KATNA1: variants seen among roughly 807,000 people sequenced by gnomAD.
The protein encoded by KATNA1 is katanin catalytic subunit A1.
In KATNA1, 42 loss-of-function variants were observed where a neutral mutation model predicts 62.6. The ratio of observed to expected loss-of-function variants is 0.67; its 90% CI spans 0.52 to 0.87. KATNA1 has a LOEUF of 0.87. KATNA1 is among the 40% of genes least tolerant of loss of function. The pLI, the probability that KATNA1 is intolerant of heterozygous loss-of-function variation, is 0.00. For synonymous variants in KATNA1, 186 were observed against 201.9 expected, an observed-to-expected ratio of 0.92 and a Z score of 0.67; for missense variants, 498 against 612.5, an observed-to-expected ratio of 0.81 and a Z score of 1.97.
At chr6:149,601,508 C>G in intron 7 of KATNA1, 86 bp downstream of exon 7, 1 of 1,233,942 alleles carries the variant, frequency 8.1e-7, no homozygotes, top group Non-Finnish European at 1.1e-6. Flanking sequence ...TCCTGCCTAA[C>G]TATTCCATAT....
At chr6:149,604,580 C>T in intron 5 of KATNA1, 81 bp downstream of exon 5, 1 of 1,434,344 alleles carries the variant, frequency 7.0e-7, no homozygotes, top group African/African-American at 1.4e-5. Context: ...CTCTGCTCTT[C>T]AGTACATGCT....
Position 149,597,577 on chromosome 6 carries a change from AT to A in KATNA1, c.1079del (p.Asn360IlefsTer6). Reference sequence around the variant, plus strand: ...AAGCCTCATCTATATCCCAGGGAAAATTAGTAGCTGCCAGAACCATAACCAT... The same window carrying A: ...AAGCCTCATCTATATCCCAGGGAAAATAGTAGCTGCCAGAACCATAACCAT... ...SKMVMVLAAT[N>X]FPWDIDEALR... On this transcript the variant is annotated frameshift_variant, in exon 9 of 11. Coordinates refer to ENST00000367411, the MANE Select transcript of KATNA1 (RefSeq NM_007044.4). LOFTEE classifies it high-confidence loss of function. 6.2e-7 allele frequency: 1 copy of A among 1,614,040 alleles called. No individual in the cohort carries two copies. The highest frequency in any genetic ancestry group is 1.1e-5 in the South Asian group (1 of 91,070).
chr6:149,629,281 C>T (rs982565092), intron 3 of KATNA1, among the ~76,000 whole-genome samples: 19 of 152,002 alleles, frequency 1.2e-4, no homozygotes, highest in South Asian at 2.1e-4. Context: ...AGCCCCAGTG[C>T]GCAATATGAA....
intron 4 of KATNA1, among the ~76,000 whole-genome samples, chr6:149,612,735 A>G (rs1779007713): frequency 6.6e-6 from 1 of 152,190 alleles, no homozygotes; most frequent in Non-Finnish European, 1.5e-5. Flanking sequence ...GAATTCAGCA[A>G]GATATAAAAA....
At chr6:149,601,495 G>C (rs1318411129) in intron 7 of KATNA1, 99 bp downstream of exon 7, 1 of 1,054,608 alleles carries the variant, frequency 9.5e-7, no homozygotes, top group Non-Finnish European at 1.3e-6. Flanking sequence ...GGGCAAAATG[G>C]CATCCTGCCT....
Position 149,596,333 on chromosome 6 carries a change from G to A in KATNA1, c.1277+730C>T, listed in dbSNP as rs192399541. 3.1e-3 allele frequency among the ~76,000 whole-genome samples: 469 copies of A among 152,186 alleles called. 3 individuals carry two copies. The highest frequency in any genetic ancestry group is 4.4e-3 in the Non-Finnish European group (301 of 68,016). Reference sequence around the variant, plus strand: ...GCGGATCACTTGAGGTCAGGAGTTCGACACCAGCCTGGTCAACATGGTGAA... The same window carrying A: ...GCGGATCACTTGAGGTCAGGAGTTCAACACCAGCCTGGTCAACATGGTGAA... On this transcript the variant is annotated intron_variant, in intron 10 of 10. Transcript: ENST00000367411.
intron 1 of KATNA1, among the ~76,000 whole-genome samples, chr6:149,638,888 C>A (rs914604268): frequency 6.6e-6 from 1 of 151,882 alleles, no homozygotes; most frequent in African/African-American, 2.4e-5. Context: ...AGGCACCCAC[C>A]GCCATGCCCG....
chr6:149,645,446 A>G (rs1249143980), intron 1 of KATNA1, among the ~76,000 whole-genome samples: 1 of 124,754 alleles, frequency 8.0e-6, no homozygotes, highest in African/African-American at 3.0e-5. Flanking sequence ...CCATCTCAAA[A>G]AACAAAAAAC....
At chr6:149,609,884 T>G (rs1442916236) in intron 4 of KATNA1, among the ~76,000 whole-genome samples, 6 of 150,470 alleles carry the variant, frequency 4.0e-5, no homozygotes, top group Admixed American at 2.0e-4. Flanking sequence ...GCGAATCACC[T>G]GAGGTCGGAG....
At chr6:149,604,110 T>G (rs998952423) in intron 5 of KATNA1, among the ~76,000 whole-genome samples, 2 of 152,182 alleles carry the variant, frequency 1.3e-5, no homozygotes, top group African/African-American at 4.8e-5. Flanking sequence ...TGAGAACCAC[T>G]GCTCTAAAAG....
intron 1 of KATNA1, among the ~76,000 whole-genome samples, chr6:149,640,598 A>C (rs2114632003): frequency 6.6e-6 from 1 of 151,834 alleles, no homozygotes; most frequent in Admixed American, 6.6e-5. Flanking sequence ...GCCAGGCTGG[A>C]GTGCAGTGGC....
chr6:149,642,561 G>T (rs1436373341), intron 1 of KATNA1, among the ~76,000 whole-genome samples: 20 of 152,134 alleles, frequency 1.3e-4, no homozygotes, highest in Admixed American at 1.3e-3. Context: ...GGGAAATATG[G>T]TGGATACAGA....
intron 4 of KATNA1, among the ~76,000 whole-genome samples, chr6:149,621,384 A>C (rs2115118887): frequency 6.6e-6 from 1 of 152,104 alleles, no homozygotes; most frequent in South Asian, 2.1e-4. Flanking sequence ...TCGGCCTCCC[A>C]AAGTGCTGGG....
intron 2 of KATNA1, 117 bp downstream of exon 2, chr6:149,638,269 C>T: frequency 1.0e-6 from 1 of 962,130 alleles, no homozygotes; most frequent in Non-Finnish European, 1.6e-6. Flanking sequence ...CCACTGTGTA[C>T]TGTGCTCGGT....
At chr6:149,623,906 AC>A (rs1393872851) in intron 3 of KATNA1, among the ~76,000 whole-genome samples, 1 of 152,100 alleles carries the variant, frequency 6.6e-6, no homozygotes, top group Admixed American at 6.6e-5. Flanking sequence ...ATTGTTGGAA[AC>A]TGAAAAAAAA....
chr6:149,628,333 A>G (rs987434618), intron 3 of KATNA1, among the ~76,000 whole-genome samples: 2 of 141,856 alleles, frequency 1.4e-5, no homozygotes, highest in South Asian at 4.5e-4. Flanking sequence ...ATGGTTTCGA[A>G]CTCCCGACCT....
At chr6:149,597,718 C>G (rs1012574332) in intron 8 of KATNA1, 77 bp from the exon 9 acceptor site, 1 of 1,378,892 alleles carries the variant, frequency 7.3e-7, no homozygotes. Flanking sequence ...ATTTAAAGAT[C>G]AACAACTATT....
chr6:149,620,879 A>T (rs780795609), intron 4 of KATNA1, among the ~76,000 whole-genome samples: 3 of 152,228 alleles, frequency 2.0e-5, no homozygotes, highest in South Asian at 4.1e-4. Context: ...CAACACTGGC[A>T]TTAGAAAATT....
chr6:149,598,213 AAC>A lies in KATNA1; in HGVS notation c.1015+9_1015+10del. The A allele has an allele frequency of 2.5e-6, 4 of 1,613,572 alleles. No individual in the cohort carries two copies. The highest frequency in any genetic ancestry group is 2.5e-6 in the Non-Finnish European group (3 of 1,179,800). ...TCCCGTCCCTGTTCAACTCAAGCTA[AAC>A]ACAGATACCATCCATCTGAACCAGC... On this transcript the variant is annotated intron_variant, in intron 8 of 10. Transcript: ENST00000367411.
Sources: gnomAD v4.1 joint callset for allele counts (sites outside exome capture counted in the v4.1 genomes callset) on GRCh38, gnomAD v4.1.1 for gene constraint, MANE v1.5 for transcripts, NCBI Gene and HGNC (gene_info 2026-07-23, HGNC 2026-07-21) for gene names.